Variants in DTNA observed in about 807,000 individuals in gnomAD.
DTNA encodes the protein dystrobrevin alpha.
DTNA carries 43 observed loss-of-function variants against 100.7 expected under a neutral mutation model. The observed-to-expected ratio is 0.43, with a 90% CI of 0.33 to 0.55. DTNA has a LOEUF of 0.55. DTNA is among the 20% of genes least tolerant of loss of function. The pLI, the probability that DTNA is intolerant of heterozygous loss-of-function variation, is 0.04. For missense variants in DTNA, 798 were observed against 953.9 expected (o/e 0.84, Z 2.15); for synonymous variants, 349 against 347.9 (o/e 1.00, Z -0.04).
intron 2 of DTNA, among the ~76,000 whole-genome samples, chr18:34,757,858 A>G (rs1472345549): frequency 6.6e-6 from 1 of 152,218 alleles, no homozygotes; most frequent in Admixed American, 6.5e-5. Context: ...GTCAGAATAG[A>G]TAAACAAGCC....
intron 1 of DTNA, among the ~76,000 whole-genome samples, chr18:34,748,022 T>C (rs1424439101): frequency 6.6e-6 from 1 of 152,186 alleles, no homozygotes; most frequent in Admixed American, 6.5e-5. Flanking sequence ...AGTAAGGTGG[T>C]ATCTCATGGT....
chr18:34,787,631 G>A (rs2094553804), intron 3 of DTNA, among the ~76,000 whole-genome samples: 1 of 152,104 alleles, frequency 6.6e-6, no homozygotes, highest in Non-Finnish European at 1.5e-5. Flanking sequence ...TTGGATTTAA[G>A]TCATCTCTGT....
intron 1 of DTNA, among the ~76,000 whole-genome samples, chr18:34,557,016 C>T (rs1360533332): frequency 2.7e-5 from 4 of 150,068 alleles, no homozygotes; most frequent in East Asian, 1.9e-4. Flanking sequence ...ACCAATCAGA[C>T]GTAGATTTGG....
intron 1 of DTNA, among the ~76,000 whole-genome samples, chr18:34,545,979 G>C (rs1026619110): frequency 6.6e-6 from 1 of 152,080 alleles, no homozygotes; most frequent in African/African-American, 2.4e-5. Flanking sequence ...TTTGTTCAGA[G>C]ATCATTCATT....
intron 1 of DTNA, among the ~76,000 whole-genome samples, chr18:34,602,859 C>A (rs1249882423): frequency 1.3e-5 from 2 of 151,466 alleles, no homozygotes; most frequent in African/African-American, 4.9e-5. Context: ...AAAAATCAGC[C>A]GGGCGTGGTG....
At chr18:34,543,820 A>G (rs9956257) in intron 1 of DTNA, among the ~76,000 whole-genome samples, 5,552 of 152,196 alleles carry the variant, frequency 0.036, 355 homozygotes, top group African/African-American at 0.13. Context: ...TATTCGATTC[A>G]CTGAAAGTGC....
rs1568718398 is a variant in DTNA, at chr18:34,838,735, CCT to C, written c.1254-9_1254-8del. 1 of 1,611,680 alleles carries C rather than the reference CCT, an allele frequency of 6.2e-7. No homozygotes were observed. Among genetic ancestry groups the C allele is most frequent in the South Asian group, 1.1e-5 (1 of 91,028 alleles). On this transcript the variant is annotated splice_region_variant and splice_polypyrimidine_tract_variant and intron_variant, in intron 12 of 22. Coordinates refer to ENST00000444659, the MANE Select transcript of DTNA (RefSeq NM_001386795.1). The stretch of plus-strand genomic sequence containing the variant: ...AACAACACGCTTTCTTTCCCCCTGC[CCT>C]GTTTCAGGATACAGTACAGCCTGAA...
intron 1 of DTNA, among the ~76,000 whole-genome samples, chr18:34,524,424 G>A (rs1025960373): frequency 2.0e-5 from 3 of 152,066 alleles, no homozygotes; most frequent in Admixed American, 6.6e-5. Flanking sequence ...TTGGACATAA[G>A]GCTGATAATG....
chr18:34,576,091 T>C (rs1374952974), intron 1 of DTNA, among the ~76,000 whole-genome samples: 2 of 152,222 alleles, frequency 1.3e-5, no homozygotes, highest in African/African-American at 4.8e-5. Context: ...CAATGAGAGC[T>C]GTCCATAGAA....
chr18:34,636,870 G>A (rs1250687210), intron 1 of DTNA, among the ~76,000 whole-genome samples: 1 of 152,110 alleles, frequency 6.6e-6, no homozygotes. Flanking sequence ...ATAGGTGTTG[G>A]TTAAAATGAA....
chr18:34,854,513 G>T (rs555018677), intron 15 of DTNA, among the ~76,000 whole-genome samples: 1 of 152,276 alleles, frequency 6.6e-6, no homozygotes, highest in African/African-American at 2.4e-5. Flanking sequence ...AAGGAGGAAA[G>T]GAGTGATAAA....
chr18:34,785,335 A>G (rs1340131294), intron 3 of DTNA, among the ~76,000 whole-genome samples: 1 of 152,224 alleles, frequency 6.6e-6, no homozygotes, highest in African/African-American at 2.4e-5. Flanking sequence ...AAGAAAGCTC[A>G]TATTAAGGGA....
chr18:34,602,978 G>A (rs928659164), intron 1 of DTNA, among the ~76,000 whole-genome samples: 2 of 151,484 alleles, frequency 1.3e-5, no homozygotes, highest in African/African-American at 2.4e-5. Flanking sequence ...ACTCCAGCCC[G>A]GGCGACAGTG....
chr18:34,757,235 C>T (rs1230153383), intron 2 of DTNA: 1 of 152,202 alleles, frequency 6.6e-6, no homozygotes, highest in African/African-American at 2.4e-5. Context: ...ACTGTGTCTT[C>T]ACCTGGAATT....
intron 22 of DTNA, among the ~76,000 whole-genome samples, chr18:34,885,386 C>G (rs1192929277): frequency 1.3e-5 from 2 of 152,142 alleles, no homozygotes; most frequent in Non-Finnish European, 2.9e-5. Flanking sequence ...TGAAACCACT[C>G]CAAAGCCCTA....
intron 1 of DTNA, among the ~76,000 whole-genome samples, chr18:34,747,110 A>C (rs1036581121): frequency 4.6e-5 from 7 of 151,324 alleles, no homozygotes; most frequent in Admixed American, 1.3e-4. Context: ...GTATCTATAT[A>C]TATATATATA....
At chr18:34,755,782 A>G (rs1471120685) in intron 1 of DTNA, 194 bp from the exon 2 acceptor site, 19 of 568,354 alleles carry the variant, frequency 3.3e-5, no homozygotes, top group Non-Finnish European at 5.9e-5. Flanking sequence ...AACAACTACA[A>G]CAATAATATA....
intron 1 of DTNA, among the ~76,000 whole-genome samples, chr18:34,597,734 T>C (rs1051883780): frequency 6.6e-6 from 1 of 152,188 alleles, no homozygotes; most frequent in Non-Finnish European, 1.5e-5. Context: ...TGCCGTATAC[T>C]ATTTTAGCTC....
At chr18:34,833,906 TGGGTTGTATGAAAGCCATTG>T (rs927618795) in intron 11 of DTNA, among the ~76,000 whole-genome samples, 1 of 152,196 alleles carries the variant, frequency 6.6e-6, no homozygotes, top group Non-Finnish European at 1.5e-5. Flanking sequence ...AAGCTCAGTC[TGGGTTGTATGAAAGCCATTG>T]TCACATTCTG....
Sources: allele counts gnomAD v4.1 joint callset (sites outside exome capture counted in the v4.1 genomes callset), GRCh38; gene constraint gnomAD v4.1.1; transcripts MANE v1.5; gene names NCBI Gene and HGNC (gene_info 2026-07-23, HGNC 2026-07-21).